The following CACNA1A variants were observed in gnomAD, a reference collection of about 807,000 sequenced individuals.
CACNA1A encodes voltage-dependent P/Q-type calcium channel subunit alpha-1A.
A neutral mutation model predicts 262.4 loss-of-function variants in CACNA1A; 57 were observed. That is an observed-to-expected ratio of 0.22 (90% CI 0.18 to 0.27). The LOEUF (loss-of-function observed/expected upper bound fraction) is 0.27. Among genes scored for constraint, CACNA1A ranks in the 10% least tolerant of loss-of-function variants. The pLI, the probability that CACNA1A is intolerant of heterozygous loss-of-function variation, is 1.00. For synonymous variants in CACNA1A, 1,431 were observed against 1,419.3 expected (o/e 1.01, Z -0.18); for missense variants, 2,526 against 3,562.8 (o/e 0.71, Z 7.41).
chr19:13,247,420 G>A (rs1391346062), intron 30 of CACNA1A, among the ~76,000 whole-genome samples: 5 of 152,170 alleles, frequency 3.3e-5, no homozygotes, highest in Non-Finnish European at 7.3e-5. Context: ...GGGGCCGGGC[G>A]CGGTGGCTCA....
At chr19:13,304,837 G>C (rs140842952) in intron 15 of CACNA1A, among the ~76,000 whole-genome samples, 2 of 152,138 alleles carry the variant, frequency 1.3e-5, no homozygotes, top group African/African-American at 4.8e-5. Context: ...AGAACTATGA[G>C]AGAATAAATG....
chr19:13,259,219 C>T, intron 27 of CACNA1A: 1 of 160,854 alleles, frequency 6.2e-6, no homozygotes, highest in South Asian at 2.0e-4. Context: ...AATCTCGGCT[C>T]ACTGCAACCT....
intron 3 of CACNA1A, among the ~76,000 whole-genome samples, chr19:13,413,931 G>GA (rs1219908310): frequency 3.9e-5 from 5 of 126,990 alleles, no homozygotes; most frequent in African/African-American, 8.0e-5. Flanking sequence ...AAGAAAGAAA[G>GA]AAAGAAAGAA....
chr19:13,277,231 AAGAGG>A, intron 22 of CACNA1A, 103 bp from the exon 23 acceptor site: 1 of 762,708 alleles, frequency 1.3e-6, no homozygotes. Context: ...TTCTACCCAG[AAGAGG>A]AAACACAGCT....
intron 1 of CACNA1A, among the ~76,000 whole-genome samples, chr19:13,476,181 G>A (rs527437540): frequency 6.6e-6 from 1 of 152,246 alleles, no homozygotes; most frequent in East Asian, 1.9e-4. Context: ...TCAGTTCTGG[G>A]AAATCTGGAC....
At chr19:13,280,055 C>T (rs372913623) in intron 22 of CACNA1A, among the ~76,000 whole-genome samples, 4 of 152,194 alleles carry the variant, frequency 2.6e-5, no homozygotes, top group Non-Finnish European at 4.4e-5. Flanking sequence ...GTGATCCACC[C>T]GCCTTGGCCT....
At chr19:13,225,490 CA>C (rs1448266616) in intron 37 of CACNA1A, 2 of 152,212 alleles carry the variant, frequency 1.3e-5, no homozygotes, top group Admixed American at 6.5e-5. Context: ...CACTCCCTTC[CA>C]GCCCAGGGAA....
chr19:13,401,748 A>G (rs1007435461), intron 3 of CACNA1A, among the ~76,000 whole-genome samples: 2 of 152,192 alleles, frequency 1.3e-5, no homozygotes, highest in African/African-American at 4.8e-5. Context: ...GAGAGCCTCC[A>G]ACAGCCTGGA....
Position 13,300,564 on chromosome 19 carries a change from G to A in CACNA1A, c.2265C>T (p.Asn755=), listed in dbSNP as rs1382705855. Residue 755 remains asparagine (N), a synonymous_variant, in exon 18 of 47, where the codon AAC becomes AAT. Coordinates refer to ENST00000360228, the MANE Select transcript of CACNA1A (RefSeq NM_001127222.2). ...GGGGCACTTACACAGCTATAGACAT[G>A]TTGGCCGCGGACAGAGGACTCACTT... The part of the protein sequence containing the change: ...VAEVSPLSAA[N]MSIAVKEQQK... The A allele has an allele frequency of 4.3e-6, 7 of 1,612,728 alleles. No homozygotes were observed. The highest frequency in any genetic ancestry group is 5.9e-6 in the Non-Finnish European group (7 of 1,178,848).
chr19:13,434,431 C>T (rs762326328), intron 3 of CACNA1A, among the ~76,000 whole-genome samples: 11 of 152,058 alleles, frequency 7.2e-5, no homozygotes, highest in South Asian at 2.1e-4. Flanking sequence ...TGTGTCTGTC[C>T]GCAACCAAAT....
chr19:13,383,200 G>A (rs982140873), intron 3 of CACNA1A, among the ~76,000 whole-genome samples: 2 of 152,198 alleles, frequency 1.3e-5, no homozygotes, highest in Admixed American at 1.3e-4. Flanking sequence ...AGCAATAGTG[G>A]GAAAAGATAT....
chr19:13,275,088 C>T (rs1415834949), intron 24 of CACNA1A: 1 of 150,644 alleles, frequency 6.6e-6, no homozygotes, highest in Non-Finnish European at 1.5e-5. Context: ...GGAATAGCCA[C>T]CCAGAGCTTG....
At chr19:13,286,266 G>T (rs997005817) in intron 20 of CACNA1A, among the ~76,000 whole-genome samples, 1 of 152,138 alleles carries the variant, frequency 6.6e-6, no homozygotes, top group Non-Finnish European at 1.5e-5. Flanking sequence ...GGGAAGGAAG[G>T]ACGTAGAAGA....
chr19:13,354,177 C>T (rs1336763782), intron 6 of CACNA1A, among the ~76,000 whole-genome samples: 2 of 152,170 alleles, frequency 1.3e-5, no homozygotes, highest in East Asian at 1.9e-4. Flanking sequence ...GGGCTGCCTA[C>T]CCAGGTGGGA....
At chr19:13,225,243 G>C in intron 37 of CACNA1A, 1 of 168,734 alleles carries the variant, frequency 5.9e-6, no homozygotes, top group East Asian at 1.7e-4. Flanking sequence ...CCCAGACCAG[G>C]ACAGAGCAGA....
intron 17 of CACNA1A, among the ~76,000 whole-genome samples, chr19:13,302,794 G>A (rs1316904304): frequency 6.6e-6 from 1 of 152,304 alleles, no homozygotes. Flanking sequence ...AGCTGGGGCC[G>A]GGAAACTCTC....
chr19:13,441,281 T>C lies in CACNA1A; in HGVS notation c.539+11595A>G, dbSNP rs1033741255. On this transcript the variant is annotated intron_variant, in intron 3 of 46. Transcript: ENST00000360228. The stretch of plus-strand genomic sequence containing the variant: ...ACCACTATGCTTCCTTACGTGTCTA[T>C]GTAGACTGGCTGTCCTCATTTAGAG... Among the ~76,000 whole-genome samples, 12 of 152,294 alleles carry C rather than the reference T, an allele frequency of 7.9e-5. No individual in the cohort carries two copies. The South Asian group carries it at 1.2e-3, about 16-fold the overall frequency.
intron 31 of CACNA1A, 71 bp downstream of exon 31, chr19:13,245,111 G>A (rs1415585021): frequency 1.2e-5 from 15 of 1,207,782 alleles, no homozygotes; most frequent in South Asian, 2.4e-5. Context: ...CTCTGGGACC[G>A]CTCCCCCGCC....
At chr19:13,465,353 A>G (rs912683766) in intron 1 of CACNA1A, among the ~76,000 whole-genome samples, 1 of 152,180 alleles carries the variant, frequency 6.6e-6, no homozygotes, top group East Asian at 1.9e-4. Flanking sequence ...TGTGTGGTCC[A>G]CTCACTGAAT....
Sources: allele counts gnomAD v4.1 joint callset (sites outside exome capture counted in the v4.1 genomes callset), GRCh38; gene constraint gnomAD v4.1.1; transcripts MANE v1.5; gene names NCBI Gene and HGNC (gene_info 2026-07-23, HGNC 2026-07-21).